The following SGCZ variants were observed in gnomAD, a reference collection of about 807,000 sequenced individuals.
SGCZ encodes the protein zeta-sarcoglycan.
Under a neutral mutation model 41.3 loss-of-function variants are expected in SGCZ, and 40 were observed. That is an observed-to-expected ratio of 0.97 (90% CI 0.75 to 1.26). The LOEUF (loss-of-function observed/expected upper bound fraction) is 1.26. SGCZ is among the 50% of genes most tolerant of loss of function. The pLI, the probability that SGCZ is intolerant of heterozygous loss-of-function variation, is 0.00. For missense variants in SGCZ, 552 were observed against 369.8 expected, an observed-to-expected ratio of 1.49 and a Z score of -4.04; for synonymous variants, 206 against 137.5, an observed-to-expected ratio of 1.50 and a Z score of -3.49.
At chr8:14,906,385 A>T (rs866127961) in intron 1 of SGCZ, among the ~76,000 whole-genome samples, 16 of 152,166 alleles carry the variant, frequency 1.1e-4, no homozygotes, top group Admixed American at 3.3e-4. Flanking sequence ...AAAAGAGTAA[A>T]AGTCCAGGAA....
chr8:14,344,995 TA>T (rs1326821335), intron 2 of SGCZ, among the ~76,000 whole-genome samples: 1 of 151,928 alleles, frequency 6.6e-6, no homozygotes, highest in African/African-American at 2.4e-5. Flanking sequence ...ACTGGCAAAA[TA>T]AAAGCATAAA....
At chr8:14,434,855 G>A (rs1176586207) in intron 2 of SGCZ, among the ~76,000 whole-genome samples, 2 of 152,072 alleles carry the variant, frequency 1.3e-5, no homozygotes, top group Non-Finnish European at 2.9e-5. Flanking sequence ...CTTGAGCCTA[G>A]GAGGTCAAGG....
intron 1 of SGCZ, among the ~76,000 whole-genome samples, chr8:14,797,163 G>A (rs1041019113): frequency 7.2e-5 from 11 of 152,086 alleles, no homozygotes; most frequent in Admixed American, 2.6e-4. Context: ...GCAGGGGTGG[G>A]GACAGTTTGG....
rs558433482 is a variant in SGCZ, at chr8:14,711,660, A to G, written c.40-156734T>C. On this transcript the variant is annotated intron_variant, in intron 1 of 7. Transcript: ENST00000382080. ...CTTGTACGGAAAAAAATGCTAGTGG[A>G]AAAGGATAGGAACATATGTAATAAG... is the stretch of plus-strand genomic sequence containing the variant. 7.9e-5 allele frequency among the ~76,000 whole-genome samples: 12 copies of G among 151,478 alleles called. No homozygotes were observed. In the East Asian group the frequency reaches 1.6e-3, roughly 20 times the overall value.
At chr8:14,476,116 A>G (rs563863645) in intron 2 of SGCZ, among the ~76,000 whole-genome samples, 4 of 152,282 alleles carry the variant, frequency 2.6e-5, no homozygotes, top group Admixed American at 6.5e-5. Flanking sequence ...TTATGAGTCA[A>G]CTTGCCTGGG....
intron 4 of SGCZ, among the ~76,000 whole-genome samples, chr8:14,203,593 C>G (rs574494997): frequency 6.6e-6 from 1 of 152,056 alleles, no homozygotes. Context: ...TCTGTCATCA[C>G]AAGGCTGAGT....
At chr8:14,153,004 A>AT (rs1803756719) in intron 5 of SGCZ, among the ~76,000 whole-genome samples, 1 of 152,036 alleles carries the variant, frequency 6.6e-6, no homozygotes, top group East Asian at 1.9e-4. Flanking sequence ...CAAATAAGTG[A>AT]TTGTCGGGGG....
At chr8:14,171,320 C>T (rs1335257772) in intron 4 of SGCZ, among the ~76,000 whole-genome samples, 1 of 151,882 alleles carries the variant, frequency 6.6e-6, no homozygotes, top group Admixed American at 6.6e-5. Context: ...CAAATAACAT[C>T]TTAAAAAGAG....
chr8:14,286,037 A>G (rs906153058), intron 3 of SGCZ, among the ~76,000 whole-genome samples: 1 of 151,990 alleles, frequency 6.6e-6, no homozygotes, highest in African/African-American at 2.4e-5. Flanking sequence ...CTATTTATTT[A>G]GCATTTGAGG....
intron 1 of SGCZ, among the ~76,000 whole-genome samples, chr8:14,740,722 T>C (rs1159124282): frequency 6.6e-6 from 1 of 152,000 alleles, no homozygotes. Context: ...CAAAGGGGAA[T>C]AAAATTATCT....
chr8:14,410,614 T>C (rs1240610441), intron 2 of SGCZ, among the ~76,000 whole-genome samples: 1 of 149,340 alleles, frequency 6.7e-6, no homozygotes, highest in Non-Finnish European at 1.5e-5. Flanking sequence ...TGTCGTGGGG[T>C]GGTGGACAAG....
chr8:14,121,838 A>T (rs931897343), intron 5 of SGCZ, among the ~76,000 whole-genome samples: 1 of 152,226 alleles, frequency 6.6e-6, no homozygotes, highest in Non-Finnish European at 1.5e-5. Flanking sequence ...TAAAATAAAA[A>T]GCAATCTGTC....
rs112233713 is a variant in SGCZ, at chr8:14,565,675, C to T, written c.40-10749G>A. On this transcript the variant is annotated intron_variant, in intron 1 of 7. Coordinates refer to ENST00000382080, the MANE Select transcript of SGCZ (RefSeq NM_139167.4). The stretch of plus-strand genomic sequence containing the variant: ...AGCAGAAAGCCCACACTACTTCAAA[C>T]AGTAAGGATTAACAAGAAAACATAT... Among the ~76,000 whole-genome samples the T allele has an allele frequency of 3.2e-3, 491 of 152,076 alleles. 2 individuals carry two copies. The highest frequency in any genetic ancestry group is 0.011 in the African/African-American group (468 of 41,474).
intron 1 of SGCZ, among the ~76,000 whole-genome samples, chr8:15,189,795 ACT>A (rs1217343181): frequency 6.6e-6 from 1 of 152,078 alleles, no homozygotes; most frequent in Non-Finnish European, 1.5e-5. Flanking sequence ...AGGCAATCTG[ACT>A]GCCTTCGTTT....
chr8:14,551,615 TACATAA>T (rs1803867703), intron 2 of SGCZ, among the ~76,000 whole-genome samples: 1 of 32,322 alleles, frequency 3.1e-5, no homozygotes, highest in Non-Finnish European at 5.8e-5. Flanking sequence ...ATTATATATA[TACATAA>T]AATATATATA....
At chr8:14,916,440 A>T (rs1046323654) in intron 1 of SGCZ, among the ~76,000 whole-genome samples, 1 of 152,218 alleles carries the variant, frequency 6.6e-6, no homozygotes, top group Non-Finnish European at 1.5e-5. Flanking sequence ...AAGTAAGATC[A>T]GATAGCAGAA....
intron 4 of SGCZ, among the ~76,000 whole-genome samples, chr8:14,212,467 C>CAAAAAAAAAA (rs33947419): frequency 2.0e-5 from 2 of 97,982 alleles, no homozygotes; most frequent in Admixed American, 1.0e-4. Flanking sequence ...ATGCAAAAGA[C>CAAAAAAAAAA]AAAAAAAAAA....
intron 2 of SGCZ, among the ~76,000 whole-genome samples, chr8:14,376,237 G>C (rs532427847): frequency 6.6e-6 from 1 of 152,258 alleles, no homozygotes; most frequent in African/African-American, 2.4e-5. Context: ...CTTGAACCTG[G>C]CAGGCGGAGG....
At chr8:14,214,488 T>C (rs908633758) in intron 4 of SGCZ, among the ~76,000 whole-genome samples, 1 of 152,126 alleles carries the variant, frequency 6.6e-6, no homozygotes, top group Non-Finnish European at 1.5e-5. Flanking sequence ...TATAAAATGT[T>C]AATCATAGGA....
Sources: gnomAD v4.1 joint callset for allele counts (sites outside exome capture counted in the v4.1 genomes callset) on GRCh38, gnomAD v4.1.1 for gene constraint, MANE v1.5 for transcripts, NCBI Gene and HGNC (gene_info 2026-07-23, HGNC 2026-07-21) for gene names.